CYFIP2: variants seen among roughly 807,000 people sequenced by gnomAD.
CYFIP2 encodes the protein cytoplasmic FMR1 interacting protein 2.
In CYFIP2, 29 loss-of-function variants were observed where a neutral mutation model predicts 158.7. The observed-to-expected ratio is 0.18, with a 90% confidence interval of 0.14 to 0.25. The LOEUF (loss-of-function observed/expected upper bound fraction) is 0.25, where lower values mean the gene tolerates loss of function less well. Among genes scored for constraint, CYFIP2 ranks in the 10% least tolerant of loss-of-function variants. The pLI, the probability that CYFIP2 is intolerant of heterozygous loss-of-function variation, is 1.00. For missense variants in CYFIP2, 852 were observed against 1,639.5 expected (o/e 0.52, Z 8.29); for synonymous variants, 585 against 617.6 (o/e 0.95, Z 0.78).
chr5:157,378,183 A>T (rs2113484382), intron 26 of CYFIP2, among the ~76,000 whole-genome samples: 1 of 152,350 alleles, frequency 6.6e-6, no homozygotes, highest in African/African-American at 2.4e-5. Context: ...TTGGAATAAC[A>T]TCAACAGATT....
At chr5:157,281,799 T>C (rs1757008690) in intron 1 of CYFIP2, among the ~76,000 whole-genome samples, 1 of 152,236 alleles carries the variant, frequency 6.6e-6, no homozygotes, top group Non-Finnish European at 1.5e-5. Context: ...CTAGCCCCTA[T>C]CTCTTAACTG....
intron 10 of CYFIP2, among the ~76,000 whole-genome samples, chr5:157,310,154 G>A (rs762480549): frequency 6.6e-6 from 1 of 152,198 alleles, no homozygotes; most frequent in Non-Finnish European, 1.5e-5. Context: ...GGTCCAGTGA[G>A]GAGAGGTGGC....
At chr5:157,299,124 C>T (rs1394830407) in intron 5 of CYFIP2, among the ~76,000 whole-genome samples, 1 of 152,136 alleles carries the variant, frequency 6.6e-6, no homozygotes, top group Admixed American at 6.5e-5. Flanking sequence ...CACCTTTAAG[C>T]TTTTAAATAC....
chr5:157,359,006 C>T lies in CYFIP2; in HGVS notation c.2675C>T (p.Pro892Leu), dbSNP rs1260711454. 6.2e-7 allele frequency: 1 copy of T among 1,614,026 alleles called. No homozygotes were observed. Among genetic ancestry groups the T allele is most frequent in the Admixed American group, 1.7e-5 (1 of 60,032 alleles). ...TTTGCCACTACCTCTGTTTTCCAGC[C>T]TCTCAACATTGCCTACAGCCACATC... ...VQPYYLYGSK[P>L]LNIAYSHIYS... Residue 892 changes from proline (P) to leucine (L), a missense_variant and splice_region_variant, in exon 24 of 31, where the codon CCT becomes CTT. Transcript: ENST00000620254.
chr5:157,389,465 C>T, intron 29 of CYFIP2, 38 bp downstream of exon 29: 1 of 1,496,580 alleles, frequency 6.7e-7, no homozygotes, highest in Non-Finnish European at 9.0e-7. Context: ...TACCCCCAAC[C>T]TGCCTGTGCT....
rs393178 is a variant in CYFIP2 at position 157,311,822 on chromosome 5, G to C, written c.1110+41G>C. On this transcript the variant is annotated intron_variant, in intron 11 of 30. Coordinates refer to ENST00000620254, the MANE Select transcript of CYFIP2 (RefSeq NM_001037333.3). This position sits in a 1 kb window ranked among gnomAD's most constrained non-coding sequence, Gnocchi z 4.7. ...GCTGGGGCACAGGCCCGTGGGCCCA[G>C]GGCCAGAAGGGGTAAGGAGCAGCCA... 930,966 of 1,537,712 alleles carry C rather than the reference G, an allele frequency of 0.61. 287,744 individuals are homozygous for C. Among genetic ancestry groups the C allele is most frequent in the Admixed American group, 0.73 (37,438 of 51,486 alleles).
At chr5:157,299,392 A>G (rs1256367301) in intron 5 of CYFIP2, among the ~76,000 whole-genome samples, 1 of 151,916 alleles carries the variant, frequency 6.6e-6, no homozygotes, top group Admixed American at 6.6e-5. Flanking sequence ...GGGCCTTCAC[A>G]CTGACCATTG....
intron 3 of CYFIP2, among the ~76,000 whole-genome samples, chr5:157,288,857 G>A (rs1283722696): frequency 1.3e-5 from 2 of 152,194 alleles, no homozygotes; most frequent in Non-Finnish European, 2.9e-5. Context: ...CATGGTAAAA[G>A]TTCAAAGTTC....
chr5:157,268,433 C>G (rs1325348321), intron 1 of CYFIP2, among the ~76,000 whole-genome samples: 1 of 152,170 alleles, frequency 6.6e-6, no homozygotes, highest in African/African-American at 2.4e-5. Flanking sequence ...CTACATGACC[C>G]CTCTGATAAA....
At chr5:157,324,190 ACAT>A in intron 16 of CYFIP2, 116 bp downstream of exon 16, 1 of 1,207,708 alleles carries the variant, frequency 8.3e-7, no homozygotes, top group Non-Finnish European at 1.1e-6. Context: ...CCTAAGGGGC[ACAT>A]ATCACCACCA....
intron 3 of CYFIP2, among the ~76,000 whole-genome samples, chr5:157,293,718 A>G (rs1393480742): frequency 6.6e-6 from 1 of 152,196 alleles, no homozygotes; most frequent in Admixed American, 6.5e-5. Flanking sequence ...GCACAGACAA[A>G]ACCAATTCAC....
intron 26 of CYFIP2, among the ~76,000 whole-genome samples, chr5:157,379,371 A>C (rs1765806926): frequency 6.6e-6 from 1 of 152,132 alleles, no homozygotes; most frequent in Non-Finnish European, 1.5e-5. Flanking sequence ...CTTAAATGAA[A>C]GGAGCCAATT....
Position 157,392,953 on chromosome 5 carries a change from C to T in CYFIP2, c.3715C>T (p.Arg1239Cys), listed in dbSNP as rs371399881. ...ETDSSTVEHV[R>C]CFQPPIHQSL... is the part of the protein sequence containing the mutation. ...AGACAGTTCCACTGTGGAGCATGTG[C>T]GCTGCTTCCAGCCACCCATCCACCA... The change falls in exon 31 of 31, where the codon CGC (arginine) becomes TGC (cysteine). Residue 1239 changes from arginine (R) to cysteine (C), a missense_variant. By Grantham distance (180) the Arg-to-Cys change is radical. Coordinates refer to ENST00000620254, the MANE Select transcript of CYFIP2 (RefSeq NM_001037333.3). The T allele has an allele frequency of 1.4e-5, 23 of 1,613,760 alleles. No homozygotes were observed. The highest frequency in any genetic ancestry group is 1.8e-5 in the Non-Finnish European group (21 of 1,179,872).
intron 1 of CYFIP2, among the ~76,000 whole-genome samples, chr5:157,274,049 C>T (rs976187657): frequency 1.1e-4 from 16 of 149,416 alleles, no homozygotes; most frequent in African/African-American, 2.7e-4. Context: ...GCAGGAGAAT[C>T]GTTTGAACCC....
rs750741018 is a variant in CYFIP2 at position 157,361,610 on chromosome 5, G to A, written c.3039+12G>A. The A allele has an allele frequency of 2.1e-5, 34 of 1,613,662 alleles. No homozygotes were observed. The highest frequency in any genetic ancestry group is 2.9e-5 in the Non-Finnish European group (34 of 1,179,812). On this transcript the variant is annotated intron_variant, in intron 26 of 30. Transcript: ENST00000620254. This position sits in a 1 kb window ranked among gnomAD's most constrained non-coding sequence, Gnocchi z 4.4. ...TAGAGCAAGCTCTGGTAAGTCCAGA[G>A]CCCAAAGGAAGTGGGGTGTCTCCAG...
At chr5:157,360,514 T>C (rs1763735433) in intron 25 of CYFIP2, 142 bp downstream of exon 25, 1 of 637,760 alleles carries the variant, frequency 1.6e-6, no homozygotes, top group Non-Finnish European at 2.7e-6. Context: ...ACTAGCTAGA[T>C]AGCCTTTTAA....
Position 157,361,389 on chromosome 5 carries a change from CT to C in CYFIP2, c.2909-78del. 1.3e-6 allele frequency: 2 copies of C among 1,591,116 alleles called. No homozygotes were observed. Among genetic ancestry groups the C allele is most frequent in the African/African-American group, 1.3e-5 (1 of 74,552 alleles). ...TGCTATCCCAGAGTCAGGTCTGGGG[CT>C]GCCACTCAGTCATTGTTTCCCATAG... On this transcript the variant is annotated intron_variant, in intron 25 of 30. Coordinates refer to ENST00000620254, the MANE Select transcript of CYFIP2 (RefSeq NM_001037333.3). The surrounding 1 kb of genome is among the most constrained non-coding windows in gnomAD (Gnocchi z 4.4).
intron 23 of CYFIP2, among the ~76,000 whole-genome samples, chr5:157,357,314 A>C (rs1168591598): frequency 1.3e-5 from 2 of 152,226 alleles, no homozygotes; most frequent in African/African-American, 4.8e-5. Context: ...CAAAACTTAG[A>C]CTGAACTCAA....
intron 3 of CYFIP2, among the ~76,000 whole-genome samples, chr5:157,292,238 A>G (rs561735037): frequency 7.0e-6 from 1 of 142,210 alleles, no homozygotes; most frequent in African/African-American, 2.6e-5. Flanking sequence ...ATTTTTTTTG[A>G]GATGGAGTTT....
Sources: gnomAD v4.1 joint callset for allele counts (sites outside exome capture counted in the v4.1 genomes callset) on GRCh38, gnomAD v4.1.1 for gene constraint, Gnocchi (gnomAD v3.1) non-coding constraint, MANE v1.5 for transcripts, NCBI Gene and HGNC (gene_info 2026-07-23, HGNC 2026-07-21) for gene names.